Variants in SHISA9 observed in about 807,000 individuals in gnomAD.
SHISA9 encodes shisa family member 9.
Under a neutral mutation model 38.0 loss-of-function variants are expected in SHISA9, and 13 were observed. The observed-to-expected ratio is 0.34, with a 90% CI of 0.22 to 0.54. The LOEUF (loss-of-function observed/expected upper bound fraction) is 0.54, where lower values mean the gene tolerates loss of function less well. Ranked by LOEUF, SHISA9 falls within the 20% of genes least tolerant of loss-of-function variation. SHISA9 has a pLI of 0.91. For missense variants in SHISA9, 538 were observed against 575.8 expected, an observed-to-expected ratio of 0.93 and a Z score of 0.67; for synonymous variants, 275 against 242.0, an observed-to-expected ratio of 1.14 and a Z score of -1.27.
At chr16:13,140,085 TCTTCC>T (rs1191653527) in intron 2 of SHISA9, among the ~76,000 whole-genome samples, 14 of 52,262 alleles carry the variant, frequency 2.7e-4, no homozygotes, top group African/African-American at 7.5e-4. Flanking sequence ...TTTCCTCTTC[TCTTCC>T]CTTCCCTTCC....
In SHISA9 at chr16:13,160,843, TCTG is replaced by T. The variant is rs200732263; in HGVS notation, c.692-42546_692-42544del. ...TGATGTTGCCCTGGAGCCTCCTAATTCTGCTGCGTCTGGCTGAGACAGGGTAGG... is the reference window on the plus strand; with the variant it reads ...TGATGTTGCCCTGGAGCCTCCTAATTCTGCGTCTGGCTGAGACAGGGTAGG... On this transcript the variant is annotated intron_variant, in intron 2 of 4. Transcript: ENST00000558583. Among the ~76,000 whole-genome samples the T allele has an allele frequency of 2.4e-3, 365 of 152,278 alleles. 3 individuals carry two copies. The highest frequency in any genetic ancestry group is 8.3e-3 in the African/African-American group (344 of 41,556).
the SHISA9 span, among the ~76,000 whole-genome samples, chr16:13,463,751 G>A: frequency 6.6e-6 from 1 of 152,196 alleles, no homozygotes; most frequent in African/African-American, 2.4e-5. Flanking sequence ...GAAATATCGA[G>A]CAAATGGGCT....
chr16:13,268,942 T>TG, the SHISA9 span, among the ~76,000 whole-genome samples: 1 of 152,158 alleles, frequency 6.6e-6, no homozygotes, highest in Non-Finnish European at 1.5e-5. Flanking sequence ...GGCAAACAGA[T>TG]GTAGCAGTTA....
At chr16:13,245,893 C>T in the SHISA9 span, among the ~76,000 whole-genome samples, 124 of 152,214 alleles carry the variant, frequency 8.1e-4, no homozygotes, top group African/African-American at 2.7e-3. Context: ...TCTTGTCTGG[C>T]GCCTGTTTAT....
the SHISA9 span, among the ~76,000 whole-genome samples, chr16:13,363,062 C>A: frequency 6.6e-6 from 1 of 152,160 alleles, no homozygotes; most frequent in Non-Finnish European, 1.5e-5. Context: ...AGAAAATGCT[C>A]GACCATGTGA....
At chr16:13,214,879 G>C (rs1596738634) in intron 4 of SHISA9, among the ~76,000 whole-genome samples, 1 of 152,086 alleles carries the variant, frequency 6.6e-6, no homozygotes, top group South Asian at 2.1e-4. Context: ...CAACACCTGG[G>C]AATTGTGCGA....
intron 2 of SHISA9, among the ~76,000 whole-genome samples, chr16:13,143,724 A>G (rs1300113823): frequency 6.6e-6 from 1 of 152,240 alleles, no homozygotes; most frequent in Non-Finnish European, 1.5e-5. Flanking sequence ...GCCAAACCAC[A>G]TAGGAAGCTA....
At chr16:13,303,129 G>C in the SHISA9 span, among the ~76,000 whole-genome samples, 18 of 152,160 alleles carry the variant, frequency 1.2e-4, no homozygotes, top group Non-Finnish European at 2.2e-4. Flanking sequence ...TAGATTTAAA[G>C]CATTTGTGTT....
At chr16:13,006,392 A>G (rs2072598668) in intron 2 of SHISA9, among the ~76,000 whole-genome samples, 1 of 152,198 alleles carries the variant, frequency 6.6e-6, no homozygotes, top group African/African-American at 2.4e-5. Context: ...TCAACATATC[A>G]GCCAACCTGT....
chr16:13,479,247 G>A, the SHISA9 span, among the ~76,000 whole-genome samples: 1 of 152,090 alleles, frequency 6.6e-6, no homozygotes, highest in South Asian at 2.1e-4. Context: ...AGCCCTCTTG[G>A]ATAATCCAAG....
At chr16:13,357,924 G>C in the SHISA9 span, among the ~76,000 whole-genome samples, 2 of 152,076 alleles carry the variant, frequency 1.3e-5, no homozygotes. Flanking sequence ...TTTTGTGGTG[G>C]AATGTCATCA....
chr16:13,097,344 A>G (rs954758134), intron 2 of SHISA9, among the ~76,000 whole-genome samples: 10 of 152,174 alleles, frequency 6.6e-5, no homozygotes, highest in Admixed American at 2.6e-4. Flanking sequence ...CATCTACCCA[A>G]GTGGACAGCA....
the SHISA9 span, among the ~76,000 whole-genome samples, chr16:13,431,859 G>A: frequency 2.0e-5 from 3 of 152,120 alleles, no homozygotes; most frequent in Non-Finnish European, 4.4e-5. Context: ...TCAGGAGTTC[G>A]AGACCAGCCT....
chr16:12,951,914 A>G (rs1319281308), intron 2 of SHISA9, among the ~76,000 whole-genome samples: 3 of 152,102 alleles, frequency 2.0e-5, no homozygotes, highest in Admixed American at 6.6e-5. Context: ...AAAACCAAAC[A>G]TTTATTTTCT....
the SHISA9 span, among the ~76,000 whole-genome samples, chr16:13,472,444 T>G: frequency 7.9e-6 from 1 of 126,158 alleles, no homozygotes; most frequent in Non-Finnish European, 1.6e-5. Flanking sequence ...CAGGCTGGAG[T>G]GCCGTGGAAC....
chr16:13,070,986 T>C (rs1335494310), intron 2 of SHISA9, among the ~76,000 whole-genome samples: 1 of 152,198 alleles, frequency 6.6e-6, no homozygotes, highest in African/African-American at 2.4e-5. Flanking sequence ...ACCTGCCTGG[T>C]TCTTCTCTCT....
At chr16:13,489,192 C>T in the SHISA9 span, among the ~76,000 whole-genome samples, 1,087 of 152,194 alleles carry the variant, frequency 7.1e-3, 17 homozygotes, top group African/African-American at 0.025. Context: ...GGATTACAAG[C>T]GCATGCCACC....
chr16:13,288,800 CA>C, the SHISA9 span, among the ~76,000 whole-genome samples: 2 of 152,008 alleles, frequency 1.3e-5, no homozygotes, highest in African/African-American at 4.8e-5. Context: ...AAAACAAAAA[CA>C]AAAACAAAAA....
At position 13,037,083 on chromosome 16, in the gene SHISA9, C is replaced by CACA. The variant is rs1181431687; in HGVS notation, c.691+120268_691+120269insACA. On this transcript the variant is annotated intron_variant, in intron 2 of 4. Transcript: ENST00000558583. ...TCACACACACACACACACACACACA[C>CACA]CACACCACACACACACACACACACA... Among the ~76,000 whole-genome samples, 20 of 69,244 alleles carry CACA rather than the reference C, an allele frequency of 2.9e-4. 1 individual carries two copies. Among genetic ancestry groups the CACA allele is most frequent in the African/African-American group, 1.1e-3 (19 of 17,876 alleles). The allele number at this position is 69,244 out of a possible 152,430, so 45.4% of individuals were successfully genotyped here.
Sources: allele counts gnomAD v4.1 joint callset (sites outside exome capture counted in the v4.1 genomes callset), GRCh38; gene constraint gnomAD v4.1.1; transcripts MANE v1.5; gene names NCBI Gene and HGNC (gene_info 2026-07-23, HGNC 2026-07-21).